FBXO25: variants seen among roughly 807,000 people sequenced by gnomAD.
FBXO25 encodes the protein F-box protein 25.
In FBXO25, 45 loss-of-function variants were observed where a neutral mutation model predicts 51.9. The observed-to-expected ratio is 0.87, with a 90% CI of 0.68 to 1.11. The LOEUF is 1.11. Ranked by LOEUF, FBXO25 falls within the 50% of genes most tolerant of loss-of-function variation. The pLI is 0.00. For synonymous variants in FBXO25, 199 were observed against 151.0 expected, an observed-to-expected ratio of 1.32 and a Z score of -2.33; for missense variants, 507 against 428.5, an observed-to-expected ratio of 1.18 and a Z score of -1.62.
At chr8:430,256 A>G (rs1797745808) in intron 2 of FBXO25, among the ~76,000 whole-genome samples, 3 of 152,356 alleles carry the variant, frequency 2.0e-5, no homozygotes, top group Admixed American at 2.0e-4. Flanking sequence ...AAACTGGTGT[A>G]AGACTAAATA....
At chr8:445,621 G>T (rs1798689737) in intron 5 of FBXO25, among the ~76,000 whole-genome samples, 1 of 152,260 alleles carries the variant, frequency 6.6e-6, no homozygotes, top group Non-Finnish European at 1.5e-5. Flanking sequence ...GGGAGGCCGA[G>T]GTGGGCGGAT....
chr8:437,853 G>A (rs1431303976), intron 5 of FBXO25, among the ~76,000 whole-genome samples: 1 of 151,772 alleles, frequency 6.6e-6, no homozygotes, highest in Admixed American at 6.6e-5. Flanking sequence ...ACAACTGAGA[G>A]GATTGTCTTG....
chr8:419,189 G>T (rs1321545531), intron 2 of FBXO25, among the ~76,000 whole-genome samples: 12 of 150,988 alleles, frequency 7.9e-5, no homozygotes, highest in Non-Finnish European at 2.9e-5. Flanking sequence ...GTGAAACCCC[G>T]TCTCTACTAA....
At position 454,900 on chromosome 8, in the gene FBXO25, AAAAG is replaced by A. The variant is rs1399317853; in HGVS notation, c.660+3451_660+3454del. 9.4e-3 allele frequency among the ~76,000 whole-genome samples: 1,397 copies of A among 148,432 alleles called. 75 individuals carry two copies. The highest frequency in any genetic ancestry group is 0.034 in the African/African-American group (1,329 of 38,758). On this transcript the variant is annotated intron_variant, in intron 7 of 9. Transcript: ENST00000350302. ...AGGGAGACTCCATCTCAAAAAAAGA[AAAAG>A]AAAAAGAAAACAAAGAATGAGGGGA...
chr8:466,239 G>C, intron 9 of FBXO25, among the ~76,000 whole-genome samples: 1 of 152,224 alleles, frequency 6.6e-6, no homozygotes, highest in East Asian at 1.9e-4. Flanking sequence ...CCGTGGGTTT[G>C]CCCAGTGTGG....
chr8:423,838 T>C (rs1797305696), intron 2 of FBXO25, among the ~76,000 whole-genome samples: 1 of 152,210 alleles, frequency 6.6e-6, no homozygotes, highest in African/African-American at 2.4e-5. Flanking sequence ...AGAATGGTAG[T>C]TCTATTTTAA....
intron 5 of FBXO25, among the ~76,000 whole-genome samples, chr8:442,134 C>G (rs1421524081): frequency 6.6e-6 from 1 of 152,118 alleles, no homozygotes; most frequent in African/African-American, 2.4e-5. Flanking sequence ...CAATCCAATG[C>G]TAATTTACTG....
At chr8:444,759 T>C (rs547368251) in intron 5 of FBXO25, among the ~76,000 whole-genome samples, 1 of 152,296 alleles carries the variant, frequency 6.6e-6, no homozygotes, top group East Asian at 1.9e-4. Context: ...GTACCTTTCC[T>C]ATGTTTAGAT....
At chr8:428,245 C>T (rs1797610242) in intron 2 of FBXO25, among the ~76,000 whole-genome samples, 3 of 152,102 alleles carry the variant, frequency 2.0e-5, no homozygotes, top group Admixed American at 6.6e-5. Context: ...CTTTTGGGCA[C>T]ATTTGCTAGC....
intron 7 of FBXO25, among the ~76,000 whole-genome samples, chr8:456,028 A>G (rs1461636276): frequency 6.6e-6 from 1 of 152,160 alleles, no homozygotes; most frequent in African/African-American, 2.4e-5. Flanking sequence ...CTACCTTCAT[A>G]CCACCACTTC....
In FBXO25 at chr8:475,240, C is replaced by G. The variant is rs1242224202; in HGVS notation, c.*6436C>G. The G allele has an allele frequency of 1.5e-5, 4 of 272,890 alleles. No homozygotes were observed. The highest frequency in any genetic ancestry group is 2.8e-5 in the Non-Finnish European group (4 of 142,602). The allele number at this position is 272,890 out of a possible 1,614,324, so 16.9% of individuals were successfully genotyped here. A position where few individuals can be genotyped will look rare whatever the true frequency, so the allele number is the denominator to read the frequency against. ...GAATGGTCTTGGCACCATCAAAAATCATTTGACCCATATGTGCAAGGGTTT... is the reference window on the plus strand; with the variant it reads ...GAATGGTCTTGGCACCATCAAAAATGATTTGACCCATATGTGCAAGGGTTT... On this transcript the variant is annotated 3_prime_UTR_variant, in exon 10 of 10. Transcript: ENST00000350302.
chr8:460,393 AAC>A (rs1033976003), intron 8 of FBXO25, among the ~76,000 whole-genome samples: 5 of 152,232 alleles, frequency 3.3e-5, no homozygotes, highest in African/African-American at 1.2e-4. Context: ...GAATCATAAA[AAC>A]ACAGCATCAG....
chr8:425,502 C>A (rs578009093), intron 2 of FBXO25, among the ~76,000 whole-genome samples: 1 of 151,082 alleles, frequency 6.6e-6, no homozygotes, highest in East Asian at 1.9e-4. Flanking sequence ...TATTCTTTTT[C>A]TACTTAATAA....
Position 474,186 on chromosome 8 carries a change from G to C in FBXO25, c.*5382G>C, listed in dbSNP as rs183961418. The C allele has an allele frequency of 1.0e-3, 164 of 160,676 alleles. No individual in the cohort carries two copies. The highest frequency in any genetic ancestry group is 3.8e-3 in the African/African-American group (157 of 41,652). The allele number at this position is 160,676 out of a possible 1,614,324, so 10.0% of individuals were successfully genotyped here. The stretch of plus-strand genomic sequence containing the variant: ...TTAATTTGACTTCTGTAGGGACCTC[G>C]TATGAGTGGAACCAGAAGGGATTTG... On this transcript the variant is annotated 3_prime_UTR_variant, in exon 10 of 10. Transcript: ENST00000350302.
intron 5 of FBXO25, among the ~76,000 whole-genome samples, chr8:441,018 T>G (rs969468083): frequency 6.7e-6 from 1 of 148,372 alleles, no homozygotes; most frequent in East Asian, 2.0e-4. Context: ...TCCAAGTCTT[T>G]GCTATTGTGA....
chr8:466,659 T>C (rs113021529), intron 9 of FBXO25, among the ~76,000 whole-genome samples: 329 of 152,336 alleles, frequency 2.2e-3, no homozygotes, highest in African/African-American at 7.6e-3. Flanking sequence ...CCACAGTACA[T>C]AAGCTTGGAG....
intron 2 of FBXO25, among the ~76,000 whole-genome samples, chr8:423,467 C>A (rs145359922): frequency 6.6e-6 from 1 of 151,912 alleles, no homozygotes; most frequent in Non-Finnish European, 1.5e-5. Context: ...TCTAGTAGTC[C>A]CCAGTGTCTG....
intron 1 of FBXO25, among the ~76,000 whole-genome samples, chr8:411,943 T>A (rs1469280356): frequency 6.6e-6 from 1 of 152,188 alleles, no homozygotes; most frequent in Non-Finnish European, 1.5e-5. Flanking sequence ...AATATTCATA[T>A]TTAACTGAAC....
In FBXO25 at chr8:431,408, A is replaced by G. The variant is rs753046515; in HGVS notation, c.202A>G (p.Lys68Glu). 2.1e-5 allele frequency: 33 copies of G among 1,548,012 alleles called. No individual in the cohort carries two copies. The highest frequency in any genetic ancestry group is 2.7e-5 in the Non-Finnish European group (31 of 1,146,444). Residue 68 changes from lysine to glutamate, a missense_variant, in exon 3 of 10, where the codon AAA becomes GAA. Physicochemically the swap from Lys to Glu is moderately conservative, Grantham distance 56. Coordinates refer to ENST00000350302, the MANE Select transcript of FBXO25 (RefSeq NM_183420.2). Reference protein sequence around the residue: ...EEHEYASKKRKKDHFRNDTNT... With the variant: ...EEHEYASKKREKDHFRNDTNT... ...GCATGAATATGCATCGAAAAAAAGGAAAAAGGACCATTTTAGAAATGACAC... is the reference window on the plus strand; with the variant it reads ...GCATGAATATGCATCGAAAAAAAGGGAAAAGGACCATTTTAGAAATGACAC...
Sources: gnomAD v4.1 joint callset for allele counts (sites outside exome capture counted in the v4.1 genomes callset) on GRCh38, gnomAD v4.1.1 for gene constraint, MANE v1.5 for transcripts, NCBI Gene and HGNC (gene_info 2026-07-23, HGNC 2026-07-21) for gene names.